ABCA13: variants seen among roughly 807,000 people sequenced by gnomAD.
ABCA13 encodes ATP binding cassette subfamily A member 13, also known as ATP-binding cassette sub-family A member 13.
In ABCA13, 476 loss-of-function variants were observed where a neutral mutation model predicts 478.7. The observed-to-expected ratio is 0.99, with a 90% CI of 0.92 to 1.07. The LOEUF (loss-of-function observed/expected upper bound fraction) is 1.07, where lower values mean the gene tolerates loss of function less well. Ranked by LOEUF, ABCA13 falls within the 50% of genes least tolerant of loss-of-function variation. The pLI is 0.00. For synonymous variants in ABCA13, 2,252 were observed against 2,158.9 expected (o/e 1.04, Z -1.20); for missense variants, 6,060 against 5,910.6 (o/e 1.03, Z -0.83).
At chr7:48,544,231 AC>A (rs1382656281) in intron 55 of ABCA13, among the ~76,000 whole-genome samples, 1 of 151,610 alleles carries the variant, frequency 6.6e-6, no homozygotes, top group East Asian at 1.9e-4. Context: ...AAACCAACAA[AC>A]CTGATGTGAT....
intron 57 of ABCA13, among the ~76,000 whole-genome samples, chr7:48,587,972 T>C (rs1253247998): frequency 2.0e-5 from 3 of 152,248 alleles, no homozygotes; most frequent in Non-Finnish European, 4.4e-5. Context: ...TGGATTCTAA[T>C]CAGTAGAGTG....
chr7:48,256,774 G>A (rs1488751916), intron 15 of ABCA13, among the ~76,000 whole-genome samples: 1 of 152,086 alleles, frequency 6.6e-6, no homozygotes, highest in African/African-American at 2.4e-5. Flanking sequence ...TTGCTCTTTT[G>A]CTTACGATTG....
At chr7:48,207,448 C>T (rs1431342787) in intron 3 of ABCA13, among the ~76,000 whole-genome samples, 4 of 152,054 alleles carry the variant, frequency 2.6e-5, no homozygotes, top group African/African-American at 7.2e-5. Context: ...TTCCCAACCC[C>T]TCACTAACAT....
chr7:48,350,400 A>AG (rs1808774290), intron 29 of ABCA13, among the ~76,000 whole-genome samples: 1 of 151,914 alleles, frequency 6.6e-6, no homozygotes, highest in African/African-American at 2.4e-5. Flanking sequence ...TTTGTGCTTT[A>AG]ACTGTTTTTT....
chr7:48,171,829 T>A (rs1399905990), intron 1 of ABCA13, among the ~76,000 whole-genome samples: 1 of 152,252 alleles, frequency 6.6e-6, no homozygotes, highest in Non-Finnish European at 1.5e-5. Context: ...CAGGTGGAAT[T>A]GAACTATAAT....
chr7:48,363,093 A>G (rs1811138845), intron 31 of ABCA13, among the ~76,000 whole-genome samples: 1 of 151,918 alleles, frequency 6.6e-6, no homozygotes, highest in South Asian at 2.1e-4. Context: ...CAGCCCTTTC[A>G]CTGTAATTTA....
intron 55 of ABCA13, among the ~76,000 whole-genome samples, chr7:48,564,502 G>A (rs779574837): frequency 1.3e-5 from 2 of 148,640 alleles, no homozygotes; most frequent in Non-Finnish European, 3.0e-5. Context: ...TGCTCACATA[G>A]GAATTTGTTT....
chr7:48,455,010 C>A, intron 42 of ABCA13, 27 bp from the exon 43 acceptor site: 2 of 1,472,266 alleles, frequency 1.4e-6, no homozygotes, highest in Non-Finnish European at 9.0e-7. Flanking sequence ...GCTGACCCAG[C>A]CGCCCTTCCT....
chr7:48,346,403 G>T (rs1400980035), intron 29 of ABCA13, among the ~76,000 whole-genome samples: 7 of 151,688 alleles, frequency 4.6e-5, no homozygotes, highest in Non-Finnish European at 8.8e-5. Context: ...CAAGCTTATA[G>T]TGCAGCCTAT....
Position 48,234,047 on chromosome 7 carries a change from A to G in ABCA13, c.793A>G (p.Ile265Val). 7 of 1,614,040 alleles carry G rather than the reference A, an allele frequency of 4.3e-6. No individual in the cohort carries two copies. Among genetic ancestry groups the G allele is most frequent in the Non-Finnish European group, 5.9e-6 (7 of 1,179,888 alleles). ...AGTTTACCACCTGTCCATGCAGAAT[A>G]TAGTGTGGGATCCACAGAAAGTCCA... ...EPVYHLSMQN[I>V]VWDPQKVQYD... Residue 265 changes from isoleucine (I) to valine (V), a missense_variant, in exon 8 of 62, where the codon ATA (isoleucine) becomes GTA (valine). Physicochemically the swap from Ile to Val is conservative, Grantham distance 29. Transcript: ENST00000435803.
intron 42 of ABCA13, among the ~76,000 whole-genome samples, chr7:48,440,290 C>T (rs1224025139): frequency 2.0e-5 from 3 of 152,020 alleles, no homozygotes; most frequent in African/African-American, 7.2e-5. Context: ...TCCCTCCTCA[C>T]AAGGGTAATT....
chr7:48,321,131 C>T (rs1221581517), intron 27 of ABCA13, among the ~76,000 whole-genome samples: 1 of 152,096 alleles, frequency 6.6e-6, no homozygotes, highest in East Asian at 1.9e-4. Context: ...CCCAACTGGG[C>T]ACATGTGACA....
At chr7:48,644,374 CA>C (rs1313604943) in intron 60 of ABCA13, among the ~76,000 whole-genome samples, 1 of 152,238 alleles carries the variant, frequency 6.6e-6, no homozygotes, top group East Asian at 1.9e-4. Flanking sequence ...AGGGCTTCCC[CA>C]TGCTGTTGCA....
In ABCA13 at chr7:48,471,516, C is replaced by T; in HGVS notation, c.12906-14C>T. ...ATCTAAAAGATCATTCCAATTCTCT[C>T]CTTTGTTTTTTAGGAAGAATTCTTC... On this transcript the variant is annotated splice_polypyrimidine_tract_variant and intron_variant, in intron 44 of 61. Coordinates refer to ENST00000435803, the MANE Select transcript of ABCA13 (RefSeq NM_152701.5). The T allele has an allele frequency of 6.5e-7, 1 of 1,550,184 alleles. No homozygotes were observed. The highest frequency in any genetic ancestry group is 8.7e-7 in the Non-Finnish European group (1 of 1,144,514).
At chr7:48,462,371 T>C (rs1826340888) in intron 43 of ABCA13, among the ~76,000 whole-genome samples, 2 of 152,278 alleles carry the variant, frequency 1.3e-5, no homozygotes, top group Admixed American at 1.3e-4. Context: ...TATCTGAGTC[T>C]CTTCCCCTCA....
chr7:48,297,156 G>A, intron 21 of ABCA13, 76 bp from the exon 22 acceptor site: 1 of 1,188,252 alleles, frequency 8.4e-7, no homozygotes, highest in Non-Finnish European at 1.2e-6. Context: ...TGGGAGCTGA[G>A]GCAGTATTAT....
chr7:48,233,970 C>G lies in ABCA13; in HGVS notation c.764-48C>G, dbSNP rs1444444177. 3 of 1,603,050 alleles carry G rather than the reference C, an allele frequency of 1.9e-6. 1 individual carries two copies. The highest frequency in any genetic ancestry group is 3.4e-5 in the Admixed American group (2 of 58,848). ...TTTTTCTGGATTACATTAAACATAT[C>G]AAAATATTCAAACAACTGCTGGTGT... is the stretch of plus-strand genomic sequence containing the variant. On this transcript the variant is annotated intron_variant, in intron 7 of 61. Transcript: ENST00000435803.
At chr7:48,290,534 G>C (rs1459343565) in intron 20 of ABCA13, among the ~76,000 whole-genome samples, 1 of 152,066 alleles carries the variant, frequency 6.6e-6, no homozygotes, top group Non-Finnish European at 1.5e-5. Context: ...TTTTTCTTCC[G>C]GTAGTCCTTG....
intron 55 of ABCA13, among the ~76,000 whole-genome samples, chr7:48,542,587 GA>G (rs942301726): frequency 2.6e-5 from 4 of 151,254 alleles, no homozygotes; most frequent in African/African-American, 9.7e-5. Flanking sequence ...AATTACAATA[GA>G]AAAAAACACA....
Sources: gnomAD v4.1 joint callset for allele counts (sites outside exome capture counted in the v4.1 genomes callset) on GRCh38, gnomAD v4.1.1 for gene constraint, MANE v1.5 for transcripts, NCBI Gene and HGNC (gene_info 2026-07-23, HGNC 2026-07-21) for gene names.